The following NALF1 variants were observed in gnomAD, a reference collection of about 807,000 sequenced individuals.
NALF1 encodes family with sequence similarity 155 member A.
In NALF1, 3 loss-of-function variants were observed where a neutral mutation model predicts 48.4. The observed-to-expected ratio is 0.06, with a 90% confidence interval of 0.03 to 0.16. The LOEUF (loss-of-function observed/expected upper bound fraction) is 0.16. Among genes scored for constraint, NALF1 ranks in the 10% least tolerant of loss-of-function variants. NALF1 has a pLI of 1.00. For synonymous variants in NALF1, 262 were observed against 245.7 expected, an observed-to-expected ratio of 1.07 and a Z score of -0.62; for missense variants, 526 against 571.5, an observed-to-expected ratio of 0.92 and a Z score of 0.81.
chr13:107,167,644 G>C lies in NALF1; in HGVS notation c.*2853C>G, dbSNP rs1358303612. On this transcript the variant is annotated 3_prime_UTR_variant, in exon 3 of 3. Transcript: ENST00000375915. ...CTATTCCAATGCTGGCTGACTTGAT[G>C]GGGAGAAAGGACTCATTCCCCTTCC... 6.6e-6 allele frequency: 1 copy of C among 152,186 alleles called. No individual in the cohort carries two copies. The highest frequency in any genetic ancestry group is 1.5e-5 in the Non-Finnish European group (1 of 68,036). The allele number at this position is 152,186 out of a possible 1,614,324, so 9.4% of individuals were successfully genotyped here. A position where few individuals can be genotyped will look rare whatever the true frequency, so the allele number is the denominator to read the frequency against.
chr13:107,662,867 CTA>C (rs1350203426), intron 1 of NALF1, among the ~76,000 whole-genome samples: 2 of 152,052 alleles, frequency 1.3e-5, no homozygotes, highest in African/African-American at 2.4e-5. Context: ...CAACTAAAGA[CTA>C]TGCTTTTTTG....
intron 1 of NALF1, among the ~76,000 whole-genome samples, chr13:107,393,358 T>C (rs1349085106): frequency 6.6e-6 from 1 of 152,130 alleles, no homozygotes; most frequent in Non-Finnish European, 1.5e-5. Flanking sequence ...GGTCATCCAG[T>C]TTAGTCATTT....
chr13:107,182,959 AAATCC>A (rs1879097808), intron 2 of NALF1, among the ~76,000 whole-genome samples: 1 of 152,216 alleles, frequency 6.6e-6, no homozygotes, highest in African/African-American at 2.4e-5. Context: ...CTATTTTATG[AAATCC>A]AAGGGCAGAG....
chr13:107,554,197 C>A (rs1017032076), intron 1 of NALF1, among the ~76,000 whole-genome samples: 2 of 152,178 alleles, frequency 1.3e-5, no homozygotes, highest in African/African-American at 4.8e-5. Context: ...GGCTGTGCCA[C>A]AAGATGCAGC....
At chr13:107,787,216 C>G (rs1215098897) in intron 1 of NALF1, among the ~76,000 whole-genome samples, 1 of 152,156 alleles carries the variant, frequency 6.6e-6, no homozygotes, top group Non-Finnish European at 1.5e-5. Flanking sequence ...ACACCCATAA[C>G]AGAATATATT....
chr13:107,838,191 G>GAAAC (rs914321553), intron 1 of NALF1, among the ~76,000 whole-genome samples: 1 of 151,934 alleles, frequency 6.6e-6, no homozygotes, highest in Non-Finnish European at 1.5e-5. Flanking sequence ...AATGTAGCCA[G>GAAAC]AAACAAACAA....
chr13:107,176,624 A>G (rs1290242764), intron 2 of NALF1, among the ~76,000 whole-genome samples: 11 of 152,056 alleles, frequency 7.2e-5, no homozygotes, highest in Admixed American at 7.2e-4. Context: ...CCTGGGCAAC[A>G]GAGTGAGACT....
At chr13:107,372,142 C>T (rs981786350) in intron 1 of NALF1, among the ~76,000 whole-genome samples, 8 of 149,930 alleles carry the variant, frequency 5.3e-5, no homozygotes, top group African/African-American at 1.5e-4. Flanking sequence ...GAAAAAAAAT[C>T]ATTACGAGAT....
chr13:107,296,341 A>C (rs1328813692), intron 1 of NALF1, among the ~76,000 whole-genome samples: 1 of 152,210 alleles, frequency 6.6e-6, no homozygotes, highest in African/African-American at 2.4e-5. Flanking sequence ...AGTGGTATTT[A>C]AAATAGTTAT....
intron 1 of NALF1, among the ~76,000 whole-genome samples, chr13:107,514,351 C>T (rs1052384306): frequency 3.3e-5 from 5 of 152,092 alleles, no homozygotes; most frequent in Non-Finnish European, 7.4e-5. Context: ...ATCAGACTTA[C>T]GGGACACATG....
chr13:107,650,361 C>A (rs564152555), intron 1 of NALF1, among the ~76,000 whole-genome samples: 3 of 124,668 alleles, frequency 2.4e-5, no homozygotes, highest in African/African-American at 5.9e-5. Context: ...TCTTGGCCAA[C>A]GTTGCCATTT....
Position 107,166,464 on chromosome 13 carries a change from C to A in NALF1, c.*4033G>T, listed in dbSNP as rs1878661527. The A allele has an allele frequency of 6.6e-6, 1 of 152,146 alleles. No homozygotes were observed. Among genetic ancestry groups the A allele is most frequent in the Non-Finnish European group, 1.5e-5 (1 of 68,014 alleles). 9.4% of individuals were successfully genotyped at this position (152,146 alleles called of 1,614,324 possible). ...AGAAAAGAAATTAAATACCTGACTG[C>A]AGTTCTAAATAAATAAAACAAAATG... On this transcript the variant is annotated 3_prime_UTR_variant, in exon 3 of 3. Coordinates refer to ENST00000375915, the MANE Select transcript of NALF1 (RefSeq NM_001080396.3).
intron 1 of NALF1, among the ~76,000 whole-genome samples, chr13:107,588,632 A>C (rs1397287107): frequency 6.6e-6 from 1 of 152,114 alleles, no homozygotes; most frequent in Non-Finnish European, 1.5e-5. Context: ...GGAGTAAGTA[A>C]ACTTTACTTG....
intron 1 of NALF1, among the ~76,000 whole-genome samples, chr13:107,525,054 A>C (rs1425716547): frequency 1.3e-5 from 2 of 152,140 alleles, no homozygotes; most frequent in Non-Finnish European, 2.9e-5. Flanking sequence ...TGGCAAGATT[A>C]ACCTGTAGAA....
intron 1 of NALF1, among the ~76,000 whole-genome samples, chr13:107,212,579 G>A (rs1040464679): frequency 6.6e-6 from 1 of 151,968 alleles, no homozygotes; most frequent in Non-Finnish European, 1.5e-5. Flanking sequence ...ACCAGCTTCA[G>A]AAGAAAAAGT....
At chr13:107,420,224 T>C (rs1281736216) in intron 1 of NALF1, among the ~76,000 whole-genome samples, 1 of 152,144 alleles carries the variant, frequency 6.6e-6, no homozygotes, top group East Asian at 1.9e-4. Flanking sequence ...ATAAAGATAT[T>C]TTGCTAATTT....
chr13:107,379,563 T>C (rs1215203704), intron 1 of NALF1, among the ~76,000 whole-genome samples: 1 of 152,138 alleles, frequency 6.6e-6, no homozygotes, highest in East Asian at 1.9e-4. Context: ...ACTCTACACC[T>C]GCACCACGTT....
chr13:107,690,461 G>GT (rs1881541245), intron 1 of NALF1, among the ~76,000 whole-genome samples: 10 of 152,118 alleles, frequency 6.6e-5, no homozygotes, highest in Admixed American at 6.6e-4. Flanking sequence ...TAGATTTTAC[G>GT]TTTGTTCAGA....
rs184078972 is a variant in NALF1 at position 107,829,097 on chromosome 13, A to C, written c.915+36585T>G. 4.6e-5 allele frequency among the ~76,000 whole-genome samples: 7 copies of C among 152,286 alleles called. No homozygotes were observed. In the East Asian group the frequency reaches 1.3e-3, roughly 29 times the overall value. On this transcript the variant is annotated intron_variant, in intron 1 of 2. Transcript: ENST00000375915. ...ATATTATAGCTAGCCAAATGAGCAA[A>C]AGTAGACAAGCAAAGGTCAGAAAGA...
Sources: allele counts gnomAD v4.1 joint callset (sites outside exome capture counted in the v4.1 genomes callset), GRCh38; gene constraint gnomAD v4.1.1; transcripts MANE v1.5; gene names NCBI Gene and HGNC (gene_info 2026-07-23, HGNC 2026-07-21).